ROBO1: variants seen among roughly 807,000 people sequenced by gnomAD.
The protein encoded by ROBO1 is roundabout homolog 1.
In ROBO1, 149 loss-of-function variants were observed where a neutral mutation model predicts 195.9. That is an observed-to-expected ratio of 0.76 (90% CI 0.67 to 0.87). ROBO1 has a LOEUF of 0.87. Ranked by LOEUF, ROBO1 falls within the 40% of genes least tolerant of loss-of-function variation. The pLI is 0.00. For synonymous variants in ROBO1, 816 were observed against 733.2 expected (o/e 1.11, Z -1.82); for missense variants, 1,933 against 2,068.3 (o/e 0.93, Z 1.27).
chr3:79,556,142 A>C (rs887542392), intron 2 of ROBO1, among the ~76,000 whole-genome samples: 1 of 152,022 alleles, frequency 6.6e-6, no homozygotes, highest in African/African-American at 2.4e-5. Flanking sequence ...TTATTCTTTA[A>C]ATATATAGAA....
chr3:79,715,122 A>C (rs1702432746), intron 1 of ROBO1, among the ~76,000 whole-genome samples: 1 of 152,124 alleles, frequency 6.6e-6, no homozygotes, highest in African/African-American at 2.4e-5. Flanking sequence ...GTTTCTGGAG[A>C]TGGAATGTAC....
chr3:79,076,092 A>G (rs1014353514), intron 3 of ROBO1, among the ~76,000 whole-genome samples: 1 of 151,014 alleles, frequency 6.6e-6, no homozygotes, highest in African/African-American at 2.4e-5. Context: ...TTCAATTATA[A>G]CAACACCTAT....
chr3:78,740,298 T>C (rs528359979), intron 5 of ROBO1, among the ~76,000 whole-genome samples: 3 of 149,826 alleles, frequency 2.0e-5, no homozygotes, highest in Non-Finnish European at 2.9e-5. Context: ...ATATAATACA[T>C]AGCAAGTTCT....
intron 3 of ROBO1, among the ~76,000 whole-genome samples, chr3:78,986,366 A>AG (rs2077105902): frequency 6.6e-6 from 1 of 152,128 alleles, no homozygotes. Flanking sequence ...GCATTCAGTG[A>AG]GGAAAAAAAG....
chr3:78,887,672 C>T (rs1258857610), intron 4 of ROBO1, among the ~76,000 whole-genome samples: 1 of 152,182 alleles, frequency 6.6e-6, no homozygotes, highest in East Asian at 1.9e-4. Context: ...GTTTAAACCA[C>T]ATGGTGACCA....
chr3:79,086,655 T>A (rs2079376553), intron 3 of ROBO1, among the ~76,000 whole-genome samples: 1 of 152,162 alleles, frequency 6.6e-6, no homozygotes. Flanking sequence ...GCAGCGATAT[T>A]TTCCCGCATG....
chr3:79,547,791 CTT>C (rs920400476), intron 2 of ROBO1, among the ~76,000 whole-genome samples: 20 of 152,142 alleles, frequency 1.3e-4, no homozygotes, highest in African/African-American at 4.8e-4. Flanking sequence ...AAATTTATCT[CTT>C]TGTTTTTCTA....
chr3:79,475,286 C>G lies in ROBO1; in HGVS notation c.88+114538G>C, dbSNP rs535123444. Among the ~76,000 whole-genome samples, 13 of 152,046 alleles carry G rather than the reference C, an allele frequency of 8.6e-5. No homozygotes were observed. The South Asian group carries it at 1.4e-3, about 17-fold the overall frequency. Reference sequence around the variant, plus strand: ...GAGCTTGGAAATTTCTGAACTATTACGTACTTTATCTCAAAATGAACACAT... The same window carrying G: ...GAGCTTGGAAATTTCTGAACTATTAGGTACTTTATCTCAAAATGAACACAT... On this transcript the variant is annotated intron_variant, in intron 2 of 30. Coordinates refer to ENST00000464233, the MANE Select transcript of ROBO1 (RefSeq NM_002941.4).
intron 2 of ROBO1, among the ~76,000 whole-genome samples, chr3:79,345,258 T>C (rs991987132): frequency 2.6e-5 from 4 of 152,156 alleles, no homozygotes; most frequent in Non-Finnish European, 5.9e-5. Flanking sequence ...TGGTTCCTTA[T>C]GCTTGATTTG....
intron 4 of ROBO1, among the ~76,000 whole-genome samples, chr3:78,836,429 G>A (rs1051055679): frequency 6.7e-6 from 1 of 149,198 alleles, no homozygotes; most frequent in African/African-American, 2.5e-5. Context: ...GGAGAATGGC[G>A]TTAACCTGGG....
At chr3:79,677,547 C>G (rs1946821610) in intron 1 of ROBO1, among the ~76,000 whole-genome samples, 1 of 152,058 alleles carries the variant, frequency 6.6e-6, no homozygotes, top group Non-Finnish European at 1.5e-5. Context: ...CAGGAAAGAC[C>G]TGCCCCTGTG....
chr3:78,670,074 G>A (rs753247395), intron 11 of ROBO1, 22 bp downstream of exon 11: 59 of 1,550,446 alleles, frequency 3.8e-5, no homozygotes, highest in Non-Finnish European at 4.3e-5. Flanking sequence ...AACAAGAAAC[G>A]CAAGGTGCCA....
chr3:79,637,218 G>A (rs1036990099), intron 1 of ROBO1, among the ~76,000 whole-genome samples: 19 of 151,990 alleles, frequency 1.3e-4, no homozygotes, highest in Admixed American at 6.6e-4. Context: ...CAAAATGTGT[G>A]CAGCAACTTT....
intron 3 of ROBO1, among the ~76,000 whole-genome samples, chr3:78,963,505 T>TC (rs1353277054): frequency 8.3e-6 from 1 of 120,400 alleles, no homozygotes; most frequent in East Asian, 2.2e-4. Flanking sequence ...TTTTTTTTTT[T>TC]TTTTTTTTTT....
intron 5 of ROBO1, among the ~76,000 whole-genome samples, chr3:78,735,004 A>C (rs562971550): frequency 6.6e-6 from 1 of 152,332 alleles, no homozygotes; most frequent in African/African-American, 2.4e-5. Context: ...TATACATTAT[A>C]AAGCCCATAA....
intron 5 of ROBO1, among the ~76,000 whole-genome samples, chr3:78,721,185 G>A (rs62257466): frequency 6.6e-5 from 10 of 152,072 alleles, no homozygotes; most frequent in Non-Finnish European, 1.2e-4. Context: ...CTTAATTACT[G>A]CTTAATAAAC....
intron 2 of ROBO1, among the ~76,000 whole-genome samples, chr3:79,331,924 C>T (rs1211206369): frequency 2.0e-5 from 3 of 152,000 alleles, no homozygotes; most frequent in Non-Finnish European, 4.4e-5. Flanking sequence ...GGGCAGATCA[C>T]GAGGTCAGGA....
At chr3:79,139,249 C>T (rs1245020093) in intron 2 of ROBO1, among the ~76,000 whole-genome samples, 1 of 151,936 alleles carries the variant, frequency 6.6e-6, no homozygotes, top group Non-Finnish European at 1.5e-5. Context: ...AAGCCTGTGA[C>T]CCAGAAGAAT....
chr3:78,974,101 A>C (rs961390091), intron 3 of ROBO1, among the ~76,000 whole-genome samples: 9 of 152,294 alleles, frequency 5.9e-5, no homozygotes, highest in African/African-American at 2.2e-4. Context: ...TTAGCGAATA[A>C]TTTTTAAACC....
Sources: allele counts gnomAD v4.1 joint callset (sites outside exome capture counted in the v4.1 genomes callset), GRCh38; gene constraint gnomAD v4.1.1; transcripts MANE v1.5; gene names NCBI Gene and HGNC (gene_info 2026-07-23, HGNC 2026-07-21).